SHC3: variants seen among roughly 807,000 people sequenced by gnomAD.
The protein encoded by SHC3 is SHC adaptor protein 3.
In SHC3, 15 loss-of-function variants were observed where a neutral mutation model predicts 60.4. That is an observed-to-expected ratio of 0.25 (90% CI 0.17 to 0.38). The LOEUF (loss-of-function observed/expected upper bound fraction) is 0.38. Ranked by LOEUF, SHC3 falls within the 10% of genes least tolerant of loss-of-function variation. The pLI is 1.00. For missense variants in SHC3, 677 were observed against 786.1 expected, an observed-to-expected ratio of 0.86 and a Z score of 1.66; for synonymous variants, 294 against 325.9, an observed-to-expected ratio of 0.90 and a Z score of 1.05.
chr9:89,033,589 GTGTT>G (rs1824525628), intron 11 of SHC3, among the ~76,000 whole-genome samples: 1 of 152,122 alleles, frequency 6.6e-6, no homozygotes, highest in South Asian at 2.1e-4. Context: ...GCCAATCTTT[GTGTT>G]TGTTCATCAA....
At chr9:89,042,807 A>G (rs1017246071) in intron 9 of SHC3, among the ~76,000 whole-genome samples, 2 of 151,716 alleles carry the variant, frequency 1.3e-5, no homozygotes, top group Admixed American at 1.3e-4. Context: ...CAGCTAGCCA[A>G]TGGGTGTGCT....
At chr9:89,109,042 C>T in intron 2 of SHC3, 1 of 985,488 alleles carries the variant, frequency 1.0e-6, no homozygotes, top group Non-Finnish European at 1.2e-6. Flanking sequence ...GGAGGCCTGA[C>T]CTTACCTGCC....
At position 89,119,917 on chromosome 9, in the gene SHC3, C is replaced by T. The variant is rs138714187; in HGVS notation, c.475-7291G>A. Among the ~76,000 whole-genome samples the T allele has an allele frequency of 3.3e-5, 5 of 152,308 alleles. No homozygotes were observed. The East Asian group carries it at 7.7e-4, about 23-fold the overall frequency. ...AAGACAGTCCAGGAGAAAGAGCACA[C>T]ATGTCCATGGGAACCATTGAAGAAA... is the stretch of plus-strand genomic sequence containing the variant. On this transcript the variant is annotated intron_variant, in intron 1 of 11. Coordinates refer to ENST00000375835, the MANE Select transcript of SHC3 (RefSeq NM_016848.6).
intron 1 of SHC3, among the ~76,000 whole-genome samples, chr9:89,159,985 G>A (rs1826680805): frequency 6.6e-6 from 1 of 152,168 alleles, no homozygotes; most frequent in Admixed American, 6.5e-5. Flanking sequence ...AGAGGTCATG[G>A]AGTGCAAGGC....
intron 1 of SHC3, among the ~76,000 whole-genome samples, chr9:89,116,469 T>C (rs1041349169): frequency 1.3e-5 from 2 of 152,158 alleles, no homozygotes; most frequent in African/African-American, 4.8e-5. Context: ...CTGTGGCTAA[T>C]GCCACAGAGT....
intron 2 of SHC3, among the ~76,000 whole-genome samples, chr9:89,089,573 T>C (rs1825587460): frequency 6.6e-6 from 1 of 152,174 alleles, no homozygotes; most frequent in Non-Finnish European, 1.5e-5. Context: ...CCACCATACC[T>C]AAGACAAAGG....
At chr9:89,078,950 A>G (rs1037116873) in intron 2 of SHC3, among the ~76,000 whole-genome samples, 1 of 152,248 alleles carries the variant, frequency 6.6e-6, no homozygotes, top group Non-Finnish European at 1.5e-5. Context: ...TACCATGTGG[A>G]CGAAAAATAA....
chr9:89,083,522 C>A (rs1825479657), intron 2 of SHC3, among the ~76,000 whole-genome samples: 1 of 152,196 alleles, frequency 6.6e-6, no homozygotes, highest in African/African-American at 2.4e-5. Context: ...CGCCTTTTTA[C>A]TAGACCCTGA....
chr9:89,054,039 T>C (rs1824905932), intron 6 of SHC3, among the ~76,000 whole-genome samples: 1 of 152,220 alleles, frequency 6.6e-6, no homozygotes, highest in Non-Finnish European at 1.5e-5. Context: ...TAGCCTGTTT[T>C]TTTTAAGGAG....
chr9:89,164,781 T>C (rs558403773), intron 1 of SHC3, among the ~76,000 whole-genome samples: 5 of 152,314 alleles, frequency 3.3e-5, no homozygotes, highest in African/African-American at 1.2e-4. Flanking sequence ...GAAAATTTTC[T>C]TAACTTGTAA....
intron 2 of SHC3, 93 bp from the exon 3 acceptor site, chr9:89,077,996 G>T: frequency 7.1e-7 from 1 of 1,403,172 alleles, no homozygotes; most frequent in Non-Finnish European, 1.0e-6. Context: ...GAAAATAACT[G>T]CCTGTTTATT....
In SHC3 at chr9:89,041,517, AAGG is replaced by A. The variant is rs1452874542; in HGVS notation, c.1360+506_1360+508del. Reference sequence around the variant, plus strand: ...GGTAAAAGGTGAGCAAGAGAGAAAAAAGGAGAGAAAAAAATGAGAGCACAAGTG... The same window carrying A: ...GGTAAAAGGTGAGCAAGAGAGAAAAAAGAGAAAAAAATGAGAGCACAAGTG... On this transcript the variant is annotated intron_variant, in intron 10 of 11. Transcript: ENST00000375835. Among the ~76,000 whole-genome samples the A allele has an allele frequency of 2.6e-5, 4 of 152,312 alleles. No individual in the cohort carries two copies. In the East Asian group the frequency reaches 7.7e-4, roughly 29 times the overall value.
chr9:89,082,061 C>T (rs1209210034), intron 2 of SHC3, among the ~76,000 whole-genome samples: 2 of 152,154 alleles, frequency 1.3e-5, no homozygotes, highest in Non-Finnish European at 2.9e-5. Flanking sequence ...TCCTCCCACC[C>T]CCATGCCCTG....
chr9:89,112,882 C>T (rs983077819), intron 1 of SHC3, among the ~76,000 whole-genome samples: 3 of 152,072 alleles, frequency 2.0e-5, no homozygotes, highest in Admixed American at 6.6e-5. Context: ...TTTGGATGTA[C>T]ACTTTTTAAA....
intron 11 of SHC3, among the ~76,000 whole-genome samples, chr9:89,035,891 A>T (rs1017513263): frequency 8.2e-6 from 1 of 121,926 alleles, no homozygotes; most frequent in South Asian, 2.7e-4. Context: ...GTGTGTGTGT[A>T]TTGGGTCTCT....
intron 11 of SHC3, 134 bp downstream of exon 11, chr9:89,037,859 G>T: frequency 8.6e-7 from 1 of 1,159,696 alleles, no homozygotes; most frequent in Non-Finnish European, 1.2e-6. Flanking sequence ...GTCTGTCCCT[G>T]CGTTCCCCTG....
intron 2 of SHC3, among the ~76,000 whole-genome samples, chr9:89,083,080 C>T (rs1422552826): frequency 2.0e-5 from 3 of 152,202 alleles, no homozygotes; most frequent in African/African-American, 7.2e-5. Context: ...GGTAGCAGTC[C>T]TGGGTCTCTC....
At chr9:89,051,901 G>A (rs1018926274) in intron 7 of SHC3, 136 bp downstream of exon 7, 34 of 1,275,972 alleles carry the variant, frequency 2.7e-5, no homozygotes, top group South Asian at 5.8e-5. Context: ...TCCCAGCACC[G>A]ACCAGGTGTC....
At chr9:89,118,665 G>A (rs1245418043) in intron 1 of SHC3, among the ~76,000 whole-genome samples, 2 of 151,536 alleles carry the variant, frequency 1.3e-5, no homozygotes, top group African/African-American at 4.8e-5. Flanking sequence ...AAAGGAAGGA[G>A]GTGTGGAATG....
Sources: gnomAD v4.1 joint callset for allele counts (sites outside exome capture counted in the v4.1 genomes callset) on GRCh38, gnomAD v4.1.1 for gene constraint, MANE v1.5 for transcripts, NCBI Gene and HGNC (gene_info 2026-07-23, HGNC 2026-07-21) for gene names.